Variants in GRIA1 observed in about 807,000 individuals in gnomAD.
GRIA1 encodes the protein glutamate receptor 1.
GRIA1 carries 31 observed loss-of-function variants against 99.2 expected under a neutral mutation model. The ratio of observed to expected loss-of-function variants is 0.31; its 90% CI spans 0.23 to 0.42. The LOEUF (loss-of-function observed/expected upper bound fraction) is 0.42. Among genes scored for constraint, GRIA1 ranks in the 10% least tolerant of loss-of-function variants. The pLI is 1.00. For synonymous variants in GRIA1, 438 were observed against 432.4 expected, an observed-to-expected ratio of 1.01 and a Z score of -0.16; for missense variants, 782 against 1,157.5, an observed-to-expected ratio of 0.68 and a Z score of 4.71.
At chr5:153,725,810 T>G (rs1343770754) in intron 11 of GRIA1, among the ~76,000 whole-genome samples, 90 of 130,914 alleles carry the variant, frequency 6.9e-4, no homozygotes, top group African/African-American at 2.6e-3. Context: ...AACACCCCAC[T>G]GTCAATGTTA....
At chr5:153,627,590 T>C (rs541889064) in intron 2 of GRIA1, among the ~76,000 whole-genome samples, 22 of 152,264 alleles carry the variant, frequency 1.4e-4, no homozygotes, top group East Asian at 5.8e-4. Context: ...GGGCAAGCGA[T>C]GCTCTCTGTA....
At chr5:153,677,291 G>T (rs1756660416) in intron 7 of GRIA1, 130 bp downstream of exon 7, 5 of 644,414 alleles carry the variant, frequency 7.8e-6, no homozygotes, top group Non-Finnish European at 9.0e-6. Context: ...CCACTGCATT[G>T]TTGGTGTTGG....
intron 1 of GRIA1, chr5:153,492,023 G>A (rs1184801187): frequency 1.1e-5 from 9 of 802,990 alleles, no homozygotes; most frequent in East Asian, 2.9e-5. Context: ...TTTGTGTCCC[G>A]GAATGAAGCA....
chr5:153,700,602 C>T (rs552250596), intron 10 of GRIA1, among the ~76,000 whole-genome samples: 38 of 152,124 alleles, frequency 2.5e-4, no homozygotes, highest in African/African-American at 7.9e-4. Flanking sequence ...TGGGAGATCA[C>T]GAAGGTATTT....
intron 2 of GRIA1, among the ~76,000 whole-genome samples, chr5:153,599,281 G>C (rs562754946): frequency 1.8e-4 from 28 of 152,180 alleles, no homozygotes; most frequent in African/African-American, 6.5e-4. Context: ...AGATTATTTT[G>C]TCCAGAAAGT....
At chr5:153,576,963 TG>T (rs1292020324) in intron 2 of GRIA1, among the ~76,000 whole-genome samples, 1 of 144,904 alleles carries the variant, frequency 6.9e-6, no homozygotes, top group Non-Finnish European at 1.5e-5. Flanking sequence ...GATGGATGGA[TG>T]GATGGATGGA....
At chr5:153,558,836 TGTC>T (rs1760876107) in intron 2 of GRIA1, among the ~76,000 whole-genome samples, 1 of 152,176 alleles carries the variant, frequency 6.6e-6, no homozygotes, top group South Asian at 2.1e-4. Context: ...ACACAGCTTT[TGTC>T]GGATTCCCAA....
intron 2 of GRIA1, among the ~76,000 whole-genome samples, chr5:153,514,278 A>T (rs930547816): frequency 6.6e-6 from 1 of 152,236 alleles, no homozygotes; most frequent in Non-Finnish European, 1.5e-5. Context: ...CCAATGTCAC[A>T]TGGTTTTTCC....
intron 11 of GRIA1, among the ~76,000 whole-genome samples, chr5:153,741,582 G>T (rs1326007395): frequency 2.0e-5 from 3 of 152,104 alleles, no homozygotes; most frequent in Admixed American, 6.5e-5. Flanking sequence ...GCTTAAAAAA[G>T]GAAATTCTCT....
At chr5:153,768,293 C>A (rs1413619950) in intron 12 of GRIA1, among the ~76,000 whole-genome samples, 1 of 152,054 alleles carries the variant, frequency 6.6e-6, no homozygotes, top group Non-Finnish European at 1.5e-5. Flanking sequence ...AATGACGTAT[C>A]TTCAGGTAAA....
chr5:153,633,579 G>A lies in GRIA1; in HGVS notation c.221-13349G>A, dbSNP rs377250372. On this transcript the variant is annotated intron_variant, in intron 2 of 15. Coordinates refer to ENST00000285900, the MANE Select transcript of GRIA1 (RefSeq NM_000827.4). ...CAGGAGGCCTGAGTTTTGGTCCCTG[G>A]GCTGGGCAGCATGTGCTCTTGGTTG... 2.6e-5 allele frequency among the ~76,000 whole-genome samples: 4 copies of A among 152,170 alleles called. No homozygotes were observed. The East Asian group carries it at 7.7e-4, about 29-fold the overall frequency.
At chr5:153,747,581 G>C (rs182100131) in intron 11 of GRIA1, among the ~76,000 whole-genome samples, 3 of 152,354 alleles carry the variant, frequency 2.0e-5, no homozygotes, top group East Asian at 3.9e-4. Flanking sequence ...CAGTGGCTAT[G>C]ATGGTGAATA....
intron 2 of GRIA1, among the ~76,000 whole-genome samples, chr5:153,527,807 C>T (rs1304810199): frequency 5.3e-5 from 8 of 152,142 alleles, no homozygotes; most frequent in African/African-American, 1.4e-4. Context: ...TGTATATCTT[C>T]GTTGGTGAAA....
At chr5:153,499,339 G>A (rs954394275) in intron 2 of GRIA1, among the ~76,000 whole-genome samples, 8 of 152,072 alleles carry the variant, frequency 5.3e-5, no homozygotes, top group Non-Finnish European at 1.2e-4. Flanking sequence ...AATATGGCCA[G>A]GGGCAGTGGC....
rs569437285 is a variant in GRIA1 at position 153,614,153 on chromosome 5, C to A, written c.221-32775C>A. ...CTTCTTAGATCACACACCATACCACCCTCTCCTGACTTTCCACCCTTTCTC... is the reference window on the plus strand; with the variant it reads ...CTTCTTAGATCACACACCATACCACACTCTCCTGACTTTCCACCCTTTCTC... On this transcript the variant is annotated intron_variant, in intron 2 of 15. Transcript: ENST00000285900. Among the ~76,000 whole-genome samples, 6 of 152,318 alleles carry A rather than the reference C, an allele frequency of 3.9e-5. No homozygotes were observed. In the South Asian group the frequency reaches 1.2e-3, roughly 32 times the overall value.
intron 2 of GRIA1, among the ~76,000 whole-genome samples, chr5:153,538,609 C>G (rs887027099): frequency 1.4e-4 from 22 of 152,278 alleles, no homozygotes; most frequent in African/African-American, 5.1e-4. Flanking sequence ...AGGAATCCCT[C>G]TGGGAGGTCT....
At chr5:153,495,729 G>C (rs375740086) in intron 2 of GRIA1, among the ~76,000 whole-genome samples, 1 of 152,198 alleles carries the variant, frequency 6.6e-6, no homozygotes, top group Admixed American at 6.5e-5. Flanking sequence ...TTTAATTGCT[G>C]AATTTTAGTT....
chr5:153,800,711 C>G lies in GRIA1; in HGVS notation c.2386-1645C>G, dbSNP rs143543069. On this transcript the variant is annotated intron_variant, in intron 14 of 15. Coordinates refer to ENST00000285900, the MANE Select transcript of GRIA1 (RefSeq NM_000827.4). ...AAGGGATGCTGCTATTTACCAGCTA[C>G]AGTCCCCAAGCTCAGTCCTGCTGAA... 1.7e-3 allele frequency among the ~76,000 whole-genome samples: 264 copies of G among 152,358 alleles called. 1 individual carries two copies. The highest frequency in any genetic ancestry group is 6.1e-3 in the African/African-American group (255 of 41,592).
At chr5:153,774,248 G>A (rs540690426) in intron 13 of GRIA1, among the ~76,000 whole-genome samples, 9 of 152,132 alleles carry the variant, frequency 5.9e-5, no homozygotes, top group Non-Finnish European at 1.0e-4. Context: ...TTGATCCCAG[G>A]AAACCATTCT....
Sources: gnomAD v4.1 joint callset for allele counts (sites outside exome capture counted in the v4.1 genomes callset) on GRCh38, gnomAD v4.1.1 for gene constraint, MANE v1.5 for transcripts, NCBI Gene and HGNC (gene_info 2026-07-23, HGNC 2026-07-21) for gene names.